The following ERC2 variants were observed in gnomAD, a reference collection of about 807,000 sequenced individuals.
ERC2 encodes the protein ERC protein 2.
A neutral mutation model predicts 114.8 loss-of-function variants in ERC2; 42 were observed. The observed-to-expected ratio is 0.37, with a 90% CI of 0.29 to 0.47. The LOEUF is 0.47. Ranked by LOEUF, ERC2 falls within the 20% of genes least tolerant of loss-of-function variation. The pLI, the probability that ERC2 is intolerant of heterozygous loss-of-function variation, is 0.99. For synonymous variants in ERC2, 454 were observed against 425.5 expected, an observed-to-expected ratio of 1.07 and a Z score of -0.82; for missense variants, 939 against 1,150.7, an observed-to-expected ratio of 0.82 and a Z score of 2.66.
chr3:56,207,242 T>TTCAA (rs2048792587), intron 3 of ERC2, among the ~76,000 whole-genome samples: 1 of 152,146 alleles, frequency 6.6e-6, no homozygotes. Flanking sequence ...TTATTTTTAA[T>TTCAA]AACCTTTTCC....
chr3:56,040,791 GATATAT>G (rs1256373428), intron 7 of ERC2, among the ~76,000 whole-genome samples: 1 of 145,470 alleles, frequency 6.9e-6, no homozygotes, highest in African/African-American at 2.5e-5. Flanking sequence ...GATATATATA[GATATAT>G]ATAGAGAGAT....
intron 2 of ERC2, among the ~76,000 whole-genome samples, chr3:56,303,540 C>T (rs545579306): frequency 6.6e-6 from 1 of 151,896 alleles, no homozygotes; most frequent in African/African-American, 2.4e-5. Flanking sequence ...ATAGGCCCTC[C>T]TCTACACTAC....
intron 17 of ERC2, among the ~76,000 whole-genome samples, chr3:55,551,811 A>G (rs2055228542): frequency 6.6e-6 from 1 of 152,236 alleles, no homozygotes; most frequent in Non-Finnish European, 1.5e-5. Context: ...AACATCCAGA[A>G]TAACGTTTGA....
At chr3:56,261,283 A>G (rs1012089245) in intron 3 of ERC2, among the ~76,000 whole-genome samples, 10 of 152,212 alleles carry the variant, frequency 6.6e-5, no homozygotes, top group Non-Finnish European at 1.0e-4. Context: ...AACACTCCAG[A>G]ACATATTTAA....
chr3:55,682,921 G>T (rs1559494760), intron 17 of ERC2, among the ~76,000 whole-genome samples: 1 of 152,184 alleles, frequency 6.6e-6, no homozygotes, highest in African/African-American at 2.4e-5. Flanking sequence ...GTATAGAGGA[G>T]AGGTGTAATT....
intron 1 of ERC2, among the ~76,000 whole-genome samples, chr3:56,437,344 G>A (rs188970551): frequency 4.6e-5 from 7 of 152,370 alleles, no homozygotes; most frequent in Admixed American, 1.3e-4. Flanking sequence ...CGGGGCATGA[G>A]CGAGCCCAGC....
chr3:56,449,784 C>T (rs546132061), intron 1 of ERC2, among the ~76,000 whole-genome samples: 1 of 152,184 alleles, frequency 6.6e-6, no homozygotes, highest in Admixed American at 6.5e-5. Context: ...AGCACAATAC[C>T]TAGCACACAG....
chr3:55,817,419 A>G (rs142202236), intron 14 of ERC2, among the ~76,000 whole-genome samples: 171 of 152,210 alleles, frequency 1.1e-3, no homozygotes, highest in African/African-American at 3.9e-3. Flanking sequence ...AGCATCCCCA[A>G]TTGGACACTC....
chr3:55,929,017 T>A (rs986134379), intron 13 of ERC2, among the ~76,000 whole-genome samples: 1 of 152,106 alleles, frequency 6.6e-6, no homozygotes, highest in Non-Finnish European at 1.5e-5. Flanking sequence ...TATCCACCAT[T>A]GCTTTGTTCC....
At chr3:56,076,328 T>C (rs1403560941) in intron 7 of ERC2, among the ~76,000 whole-genome samples, 1 of 152,200 alleles carries the variant, frequency 6.6e-6, no homozygotes, top group African/African-American at 2.4e-5. Flanking sequence ...TAAGAATCTA[T>C]GTGTTACATA....
intron 15 of ERC2, among the ~76,000 whole-genome samples, chr3:55,731,963 T>A: frequency 6.6e-6 from 1 of 152,164 alleles, no homozygotes; most frequent in South Asian, 2.1e-4. Flanking sequence ...GGCCTCACAA[T>A]TTCTGGGAAT....
At chr3:55,908,701 G>T (rs554384242) in intron 13 of ERC2, among the ~76,000 whole-genome samples, 1 of 152,128 alleles carries the variant, frequency 6.6e-6, no homozygotes, top group Non-Finnish European at 1.5e-5. Context: ...TGAGCTTTAA[G>T]CCCTCTTCTA....
chr3:55,839,585 T>G (rs1176592354), intron 14 of ERC2, among the ~76,000 whole-genome samples: 1 of 151,882 alleles, frequency 6.6e-6, no homozygotes, highest in Non-Finnish European at 1.5e-5. Context: ...ATAATAAGAT[T>G]CTTATGCTCT....
At chr3:56,287,082 C>G (rs1311863556) in intron 3 of ERC2, among the ~76,000 whole-genome samples, 1 of 152,078 alleles carries the variant, frequency 6.6e-6, no homozygotes, top group Non-Finnish European at 1.5e-5. Flanking sequence ...AACTGGAAAC[C>G]CAAATAAAGT....
At position 55,993,363 on chromosome 3, in the gene ERC2, T is replaced by C. The variant is rs76983658; in HGVS notation, c.2062-1113A>G. Among the ~76,000 whole-genome samples the C allele has an allele frequency of 5.7e-3, 873 of 152,316 alleles. 2 individuals carry two copies. Among genetic ancestry groups the C allele is most frequent in the Middle Eastern group, 0.027 (8 of 294 alleles). ...GGAGCAGATATTTATTGTGTTTTTA[T>C]ATACTTTTTTGAAAATTTCAGGGAA... is the stretch of plus-strand genomic sequence containing the variant. On this transcript the variant is annotated intron_variant, in intron 10 of 17. Coordinates refer to ENST00000288221, the MANE Select transcript of ERC2 (RefSeq NM_015576.3).
At chr3:56,432,941 C>A (rs2061855336) in intron 2 of ERC2, among the ~76,000 whole-genome samples, 1 of 152,090 alleles carries the variant, frequency 6.6e-6, no homozygotes, top group Admixed American at 6.6e-5. Context: ...AATCCTAGAA[C>A]TTTGGAATTA....
chr3:55,736,394 T>G (rs2065637468), intron 14 of ERC2, among the ~76,000 whole-genome samples: 1 of 152,170 alleles, frequency 6.6e-6, no homozygotes, highest in East Asian at 1.9e-4. Context: ...GGCTTTGCCT[T>G]TCTATGCTTT....
At chr3:55,770,759 C>T (rs2068136975) in intron 14 of ERC2, among the ~76,000 whole-genome samples, 1 of 152,138 alleles carries the variant, frequency 6.6e-6, no homozygotes, top group Admixed American at 6.5e-5. Context: ...AACTCGTTAT[C>T]TATATTAGGT....
chr3:55,675,316 A>C (rs942218951), intron 17 of ERC2, among the ~76,000 whole-genome samples: 2 of 152,250 alleles, frequency 1.3e-5, no homozygotes. Flanking sequence ...TAAGAACACC[A>C]GGTAGCCACC....
Sources: gnomAD v4.1 joint callset for allele counts (sites outside exome capture counted in the v4.1 genomes callset) on GRCh38, gnomAD v4.1.1 for gene constraint, MANE v1.5 for transcripts, NCBI Gene and HGNC (gene_info 2026-07-23, HGNC 2026-07-21) for gene names.